ZMAT4: variants seen among roughly 807,000 people sequenced by gnomAD.
ZMAT4 encodes zinc finger matrin-type protein 4.
In ZMAT4, 17 loss-of-function variants were observed where a neutral mutation model predicts 28.7. The observed-to-expected ratio is 0.59, with a 90% CI of 0.41 to 0.89. The LOEUF (loss-of-function observed/expected upper bound fraction) is 0.89. ZMAT4 is among the 40% of genes least tolerant of loss of function. The pLI, the probability that ZMAT4 is intolerant of heterozygous loss-of-function variation, is 0.00. For synonymous variants in ZMAT4, 117 were observed against 109.2 expected (o/e 1.07, Z -0.44); for missense variants, 240 against 283.8 (o/e 0.85, Z 1.11).
At chr8:40,867,642 A>G (rs1487772962) in intron 1 of ZMAT4, among the ~76,000 whole-genome samples, 1 of 152,096 alleles carries the variant, frequency 6.6e-6, no homozygotes, top group Non-Finnish European at 1.5e-5. Flanking sequence ...TGGATTTGGC[A>G]TTTCCTGTCC....
chr8:40,600,189 G>T lies in ZMAT4; in HGVS notation c.578-18928C>A, dbSNP rs1220092320. Among the ~76,000 whole-genome samples the T allele has an allele frequency of 4.6e-5, 7 of 152,320 alleles. No individual in the cohort carries two copies. In the Middle Eastern group the frequency reaches 0.01, roughly 222 times the overall value. On this transcript the variant is annotated intron_variant, in intron 5 of 6. Transcript: ENST00000297737. Reference sequence around the variant, plus strand: ...GGCTATTTAGTGGACTGCAGAGGAGGGAGAAAGGTGTTTTTTTGTTTGTTT... The same window carrying T: ...GGCTATTTAGTGGACTGCAGAGGAGTGAGAAAGGTGTTTTTTTGTTTGTTT...
At chr8:40,878,209 C>T (rs75589587) in intron 1 of ZMAT4, among the ~76,000 whole-genome samples, 2,246 of 152,266 alleles carry the variant, frequency 0.015, 32 homozygotes, top group Admixed American at 0.023. Context: ...GAACGGAAGT[C>T]GAGGGGTGGC....
intron 6 of ZMAT4, among the ~76,000 whole-genome samples, chr8:40,565,916 C>T (rs912138170): frequency 1.3e-5 from 2 of 152,008 alleles, no homozygotes; most frequent in South Asian, 4.2e-4. Context: ...ACTGTGAAGG[C>T]CCCCAGCACT....
intron 3 of ZMAT4, among the ~76,000 whole-genome samples, chr8:40,765,850 T>C (rs1813136689): frequency 6.6e-6 from 1 of 152,230 alleles, no homozygotes; most frequent in Admixed American, 6.5e-5. Flanking sequence ...AGACACTAAA[T>C]GGCTATTATA....
At chr8:40,889,324 C>A (rs1359345142) in intron 1 of ZMAT4, among the ~76,000 whole-genome samples, 1 of 152,226 alleles carries the variant, frequency 6.6e-6, no homozygotes, top group East Asian at 1.9e-4. Context: ...TATCTTCTCC[C>A]ACCAAATGGA....
At chr8:40,821,450 A>T (rs1028779897) in intron 2 of ZMAT4, among the ~76,000 whole-genome samples, 1 of 152,212 alleles carries the variant, frequency 6.6e-6, no homozygotes, top group African/African-American at 2.4e-5. Flanking sequence ...CAAGAAAAAT[A>T]AAAATGCCTC....
intron 1 of ZMAT4, among the ~76,000 whole-genome samples, chr8:40,881,684 C>T (rs73678042): frequency 0.038 from 5,788 of 152,172 alleles, 361 homozygotes; most frequent in African/African-American, 0.13. Context: ...TGTATGGGGA[C>T]TGATAACATG....
At chr8:40,864,595 C>A (rs2150647850) in intron 1 of ZMAT4, among the ~76,000 whole-genome samples, 1 of 152,286 alleles carries the variant, frequency 6.6e-6, no homozygotes, top group South Asian at 2.1e-4. Flanking sequence ...CAGTGATGAG[C>A]TGGTGATGAC....
At chr8:40,681,747 T>C (rs1056492632) in intron 4 of ZMAT4, among the ~76,000 whole-genome samples, 2 of 152,190 alleles carry the variant, frequency 1.3e-5, no homozygotes, top group Non-Finnish European at 2.9e-5. Context: ...TTGATAAATA[T>C]TATAGCTAAA....
intron 2 of ZMAT4, among the ~76,000 whole-genome samples, chr8:40,799,139 A>ATGGCTGGCTGGC (rs527448026): frequency 6.0e-5 from 8 of 133,872 alleles, no homozygotes; most frequent in Admixed American, 3.6e-4. Flanking sequence ...AGAAGGATAG[A>ATGGCTGGCTGGC]TGGCTGGCTG....
In ZMAT4 at chr8:40,883,753, C is replaced by T. The variant is rs140129537; in HGVS notation, c.-5+13930G>A. On this transcript the variant is annotated intron_variant, in intron 1 of 6. Coordinates refer to ENST00000297737, the MANE Select transcript of ZMAT4 (RefSeq NM_024645.3). ...GCCCAGGCCAATGGACTCTTTATTG[C>T]CACCTGTCTGACTTCTGAGGAGGGT... 3.3e-5 allele frequency among the ~76,000 whole-genome samples: 5 copies of T among 152,288 alleles called. No individual in the cohort carries two copies. The East Asian group carries it at 9.6e-4, about 29-fold the overall frequency.
chr8:40,561,084 G>T (rs761105302), intron 6 of ZMAT4, among the ~76,000 whole-genome samples: 1 of 152,084 alleles, frequency 6.6e-6, no homozygotes, highest in Non-Finnish European at 1.5e-5. Context: ...TTAAAGAAAA[G>T]ATCGTCTTTG....
intron 5 of ZMAT4, among the ~76,000 whole-genome samples, chr8:40,674,080 C>CTT (rs59753899): frequency 0.013 from 1,372 of 107,096 alleles, 9 homozygotes; most frequent in East Asian, 0.073. Flanking sequence ...TTTTTATCAT[C>CTT]TTTTTTTTTT....
chr8:40,860,775 G>T (rs935700054), intron 1 of ZMAT4, among the ~76,000 whole-genome samples: 1 of 152,204 alleles, frequency 6.6e-6, no homozygotes, highest in Non-Finnish European at 1.5e-5. Context: ...CAGCAAGCAT[G>T]GCTCTGCCTG....
chr8:40,720,647 C>T (rs1158959590), intron 3 of ZMAT4, among the ~76,000 whole-genome samples: 1 of 151,510 alleles, frequency 6.6e-6, no homozygotes, highest in African/African-American at 2.4e-5. Flanking sequence ...CCTGCCTCAG[C>T]CTCCCAAGTA....
intron 5 of ZMAT4, among the ~76,000 whole-genome samples, chr8:40,640,862 G>A (rs1252142135): frequency 2.0e-5 from 3 of 151,798 alleles, no homozygotes; most frequent in African/African-American, 4.8e-5. Context: ...GGGAGGCTGA[G>A]GAAGGAGAAT....
At chr8:40,693,118 T>G (rs1483651724) in intron 4 of ZMAT4, among the ~76,000 whole-genome samples, 1 of 152,108 alleles carries the variant, frequency 6.6e-6, no homozygotes, top group East Asian at 1.9e-4. Context: ...ACTGGGGTCT[T>G]TTTTCTTGTT....
intron 6 of ZMAT4, among the ~76,000 whole-genome samples, chr8:40,567,779 C>G (rs1397329387): frequency 6.6e-6 from 1 of 151,272 alleles, no homozygotes; most frequent in African/African-American, 2.4e-5. Context: ...ACCTAAATAA[C>G]AGTGTTTAAC....
chr8:40,695,488 GCACCA>G (rs1168948008), intron 4 of ZMAT4, among the ~76,000 whole-genome samples: 7 of 152,208 alleles, frequency 4.6e-5, no homozygotes, highest in African/African-American at 1.7e-4. Flanking sequence ...AGCTTTCGGT[GCACCA>G]CACCCTATTC....
Sources: gnomAD v4.1 joint callset for allele counts (sites outside exome capture counted in the v4.1 genomes callset) on GRCh38, gnomAD v4.1.1 for gene constraint, MANE v1.5 for transcripts, NCBI Gene and HGNC (gene_info 2026-07-23, HGNC 2026-07-21) for gene names.